DISP1: variants seen among roughly 807,000 people sequenced by gnomAD.
The protein encoded by DISP1 is dispatched RND transporter family member 1.
DISP1 carries 30 observed loss-of-function variants against 37.3 expected under a neutral mutation model. The observed-to-expected ratio is 0.80, with a 90% CI of 0.60 to 1.09. DISP1 has a LOEUF of 1.09. DISP1 is among the 50% of genes least tolerant of loss of function. DISP1 has a pLI of 0.00. For synonymous variants in DISP1, 634 were observed against 690.2 expected, an observed-to-expected ratio of 0.92 and a Z score of 1.28; for missense variants, 1,598 against 1,879.5, an observed-to-expected ratio of 0.85 and a Z score of 2.77.
Position 223,002,964 on chromosome 1 carries a change from A to C in DISP1, c.1567A>C (p.Lys523Gln). 1 of 1,613,960 alleles carries C rather than the reference A, an allele frequency of 6.2e-7. No homozygotes were observed. The highest frequency in any genetic ancestry group is 8.5e-7 in the Non-Finnish European group (1 of 1,180,040). ...CCTTTTAGTTATGTGTGTCTACACC[A>C]AGTCCATGTTTATCACTCTGATGAC... is the stretch of plus-strand genomic sequence containing the variant. Reference protein sequence around the residue: ...IVLLVMCVYTKSMFITLMTMF... With the variant: ...IVLLVMCVYTQSMFITLMTMF... The change falls in exon 9 of 9, where the codon AAG becomes CAG. Residue 523 changes from lysine to glutamine, a missense_variant. Lys to Gln is a moderately conservative substitution (Grantham distance 53). Transcript: ENST00000675850.
intron 3 of DISP1, among the ~76,000 whole-genome samples, chr1:222,952,549 C>A (rs1675299953): frequency 6.6e-6 from 1 of 152,142 alleles, no homozygotes; most frequent in Non-Finnish European, 1.5e-5. Flanking sequence ...AAAATAAAAT[C>A]CCTTCAAAAA....
chr1:223,004,632 G>A lies in DISP1; in HGVS notation c.3235G>A (p.Val1079Met), dbSNP rs76611705. The A allele has an allele frequency of 0.019, 30,971 of 1,613,922 alleles. 632 individuals carry two copies. Among genetic ancestry groups the A allele is most frequent in the South Asian group, 0.08 (7,322 of 91,048 alleles). Residue 1079 changes from valine to methionine, a missense_variant, in exon 9 of 9, where the codon GTG becomes ATG. Coordinates refer to ENST00000675850, the MANE Select transcript of DISP1 (RefSeq NM_001377229.1). This position sits in a 1 kb window ranked among gnomAD's most constrained non-coding sequence, Gnocchi z 4.9. ...EGKVIFSLSRVGSAMAMAALT... is the reference protein window; with the variant it reads ...EGKVIFSLSRMGSAMAMAALT... ...CAAAGTGATCTTCTCTCTGAGTCGC[G>A]TGGGCTCTGCGATGGCCATGGCTGC...
At chr1:222,826,774 A>G (rs34225287) in intron 1 of DISP1, among the ~76,000 whole-genome samples, 17,157 of 152,134 alleles carry the variant, frequency 0.11, 1,275 homozygotes, top group South Asian at 0.16. Flanking sequence ...TGTGTGATGG[A>G]TATTAAAATT....
At position 223,002,378 on chromosome 1, in the gene DISP1, TC is replaced by T; in HGVS notation, c.988-6del. ...TGTAGTCCTTCTGCTTGTCTCTATC[TC>T]TGCAGATCAGATCTCATCCCCAGTT... On this transcript the variant is annotated splice_region_variant and splice_polypyrimidine_tract_variant and intron_variant, in intron 8 of 8. Transcript: ENST00000675850. The T allele has an allele frequency of 3.1e-6, 5 of 1,613,194 alleles. No homozygotes were observed. The highest frequency in any genetic ancestry group is 4.2e-6 in the Non-Finnish European group (5 of 1,179,384).
intron 1 of DISP1, among the ~76,000 whole-genome samples, chr1:222,913,743 C>CA (rs144717372): frequency 0.082 from 9,868 of 120,614 alleles, 478 homozygotes; most frequent in East Asian, 0.27. Context: ...TACATCTCTA[C>CA]AAAAAAAAGA....
At chr1:222,921,280 G>T (rs1462278801) in intron 1 of DISP1, among the ~76,000 whole-genome samples, 2 of 152,184 alleles carry the variant, frequency 1.3e-5, no homozygotes, top group African/African-American at 4.8e-5. Context: ...CTGCATTCCA[G>T]CTTGGGCTAA....
At chr1:222,973,694 A>G (rs950026736) in intron 3 of DISP1, among the ~76,000 whole-genome samples, 1 of 152,226 alleles carries the variant, frequency 6.6e-6, no homozygotes, top group African/African-American at 2.4e-5. Flanking sequence ...ACATCCTTGC[A>G]TATGCCCTCT....
chr1:222,846,931 C>G (rs1279265265), intron 1 of DISP1, among the ~76,000 whole-genome samples: 1 of 152,090 alleles, frequency 6.6e-6, no homozygotes, highest in African/African-American at 2.4e-5. Flanking sequence ...TGTAGCTTCT[C>G]AACAGTATTT....
rs570104185 is a variant in DISP1 at position 222,816,712 on chromosome 1, T to C, written c.-159+1634T>C. Among the ~76,000 whole-genome samples the C allele has an allele frequency of 1.4e-3, 220 of 152,318 alleles. 1 individual carries two copies. Among genetic ancestry groups the C allele is most frequent in the African/African-American group, 5.1e-3 (212 of 41,564 alleles). ...TATGTTTAGGAGGACTGCTGATATT[T>C]ACAAGTGTAAAGCAAGGCCTAAACA... On this transcript the variant is annotated intron_variant, in intron 1 of 8. Coordinates refer to ENST00000675850, the MANE Select transcript of DISP1 (RefSeq NM_001377229.1).
At chr1:222,932,133 T>A (rs188672057) in intron 2 of DISP1, among the ~76,000 whole-genome samples, 2 of 152,094 alleles carry the variant, frequency 1.3e-5, no homozygotes, top group East Asian at 1.9e-4. Flanking sequence ...CTGTTGAATA[T>A]TTTGAGTGGC....
intron 1 of DISP1, among the ~76,000 whole-genome samples, chr1:222,830,259 T>C (rs1028627496): frequency 6.6e-6 from 1 of 152,028 alleles, no homozygotes; most frequent in African/African-American, 2.4e-5. Context: ...TTTGGGGGGG[T>C]CATTTCAATG....
At chr1:222,972,615 C>T (rs1459916363) in intron 3 of DISP1, among the ~76,000 whole-genome samples, 1 of 152,116 alleles carries the variant, frequency 6.6e-6, no homozygotes, top group Non-Finnish European at 1.5e-5. Context: ...TGTTTCCTTT[C>T]CTTTTCTTTC....
At position 223,005,299 on chromosome 1, in the gene DISP1, C is replaced by T. The variant is rs202223783; in HGVS notation, c.3902C>T (p.Thr1301Ile). ...GDCLCHQCSP[T>I]TSSFVQIQNG... The stretch of plus-strand genomic sequence containing the variant: ...TGCTTGTGCCACCAGTGCTCTCCTA[C>T]CACTAGCAGCTTTGTCCAGATCCAA... The change falls in exon 9 of 9, where the codon ACC (threonine) becomes ATC (isoleucine). Residue 1301 changes from threonine (T) to isoleucine (I), a missense_variant. Thr to Ile is a moderately conservative substitution (Grantham distance 89). Coordinates refer to ENST00000675850, the MANE Select transcript of DISP1 (RefSeq NM_001377229.1). 10 of 1,613,746 alleles carry T rather than the reference C, an allele frequency of 6.2e-6. No individual in the cohort carries two copies. In the East Asian group the frequency reaches 2.2e-4, roughly 36 times the overall value.
chr1:222,951,253 T>G (rs373458296), intron 3 of DISP1, among the ~76,000 whole-genome samples: 10 of 152,312 alleles, frequency 6.6e-5, no homozygotes, highest in African/African-American at 2.4e-4. Context: ...TAACTTACAT[T>G]TCCTTTCATT....
Position 223,002,702 on chromosome 1 carries a change from C to T in DISP1, c.1305C>T (p.Asp435=), listed in dbSNP as rs370192171. ...TCCTCCATTACTTGGTGGACAAAGA[C>T]TTTATGACCCCAAAGACGGCTGACT... ...YQILHYLVDK[D]FMTPKTADYA... The change falls in exon 9 of 9, where the codon GAC becomes GAT. Residue 435 remains aspartate (D), a synonymous_variant. Transcript: ENST00000675850. 5 of 1,614,010 alleles carry T rather than the reference C, an allele frequency of 3.1e-6. No homozygotes were observed. The highest frequency in any genetic ancestry group is 2.7e-5 in the African/African-American group (2 of 74,906).
rs190957012 is a variant in DISP1 at position 222,989,471 on chromosome 1, C to T, written c.540-1154C>T. 8.8e-5 allele frequency: 87 copies of T among 985,374 alleles called. No individual in the cohort carries two copies. In the African/African-American group the frequency reaches 1.3e-3, roughly 14 times the overall value. The allele number at this position is 985,374 out of a possible 1,614,324, so 61.0% of individuals were successfully genotyped here. A position where few individuals can be genotyped will look rare whatever the true frequency, so the allele number is the denominator to read the frequency against. On this transcript the variant is annotated intron_variant, in intron 4 of 8. Coordinates refer to ENST00000675850, the MANE Select transcript of DISP1 (RefSeq NM_001377229.1). ...AGACTTGGAAGTGCCAAAATAATAACGTGTGATCCAGGACCTCATGGAAGG... is the reference window on the plus strand; with the variant it reads ...AGACTTGGAAGTGCCAAAATAATAATGTGTGATCCAGGACCTCATGGAAGG...
In DISP1 at chr1:222,925,800, T is replaced by G. The variant is rs562092696; in HGVS notation, c.-158-2630T>G. ...CCCCAGACCTTCAGAATCAGAATTC[T>G]GGGGGATGGGACTCAGGAATCTCTG... On this transcript the variant is annotated intron_variant, in intron 1 of 8. Transcript: ENST00000675850. Among the ~76,000 whole-genome samples, 5 of 152,290 alleles carry G rather than the reference T, an allele frequency of 3.3e-5. No homozygotes were observed. The East Asian group carries it at 9.6e-4, about 29-fold the overall frequency.
chr1:222,821,075 A>G (rs1257923791), intron 1 of DISP1, among the ~76,000 whole-genome samples: 2 of 151,602 alleles, frequency 1.3e-5, no homozygotes, highest in African/African-American at 2.4e-5. Context: ...CTCTGGCCAT[A>G]TGTAGAGTAC....
At chr1:222,965,933 G>A (rs1376847664) in intron 3 of DISP1, among the ~76,000 whole-genome samples, 1 of 152,116 alleles carries the variant, frequency 6.6e-6, no homozygotes, top group Non-Finnish European at 1.5e-5. Flanking sequence ...GGAGGCTGAG[G>A]AGGGAGGGAG....
Sources: allele counts gnomAD v4.1 joint callset (sites outside exome capture counted in the v4.1 genomes callset), GRCh38; gene constraint gnomAD v4.1.1; non-coding constraint Gnocchi (gnomAD v3.1); transcripts MANE v1.5; gene names NCBI Gene and HGNC (gene_info 2026-07-23, HGNC 2026-07-21).